The following COL14A1 variants were observed in gnomAD, a reference collection of about 807,000 sequenced individuals.
The protein encoded by COL14A1 is collagen alpha-1(XIV) chain.
COL14A1 carries 136 observed loss-of-function variants against 230.3 expected under a neutral mutation model. The observed-to-expected ratio is 0.59, with a 90% CI of 0.51 to 0.68. The LOEUF is 0.68. COL14A1 is among the 30% of genes least tolerant of loss of function. COL14A1 has a pLI of 0.00. For missense variants in COL14A1, 1,976 were observed against 2,215.8 expected, an observed-to-expected ratio of 0.89 and a Z score of 2.17; for synonymous variants, 792 against 784.1, an observed-to-expected ratio of 1.01 and a Z score of -0.17.
chr8:120,163,278 G>A (rs924215109), intron 4 of COL14A1, among the ~76,000 whole-genome samples: 2 of 152,206 alleles, frequency 1.3e-5, no homozygotes, highest in African/African-American at 2.4e-5. Flanking sequence ...CTCTCTGCCC[G>A]AGTAATGGGC....
intron 35 of COL14A1, among the ~76,000 whole-genome samples, chr8:120,299,537 G>A (rs918509544): frequency 2.0e-5 from 3 of 151,996 alleles, no homozygotes; most frequent in African/African-American, 4.8e-5. Flanking sequence ...TTTAAGAGGC[G>A]TAAATTCCAT....
At chr8:120,138,278 C>T (rs1305265392) in intron 1 of COL14A1, among the ~76,000 whole-genome samples, 1 of 152,102 alleles carries the variant, frequency 6.6e-6, no homozygotes, top group East Asian at 1.9e-4. Context: ...TTTTGAAACT[C>T]CATTATTAAA....
intron 40 of COL14A1, among the ~76,000 whole-genome samples, chr8:120,327,855 C>A (rs905482350): frequency 2.6e-5 from 4 of 151,466 alleles, no homozygotes; most frequent in Admixed American, 2.6e-4. Context: ...ACCTCCACCT[C>A]CCAGGTTCAA....
intron 34 of COL14A1, among the ~76,000 whole-genome samples, chr8:120,291,904 T>C (rs1371093956): frequency 6.6e-6 from 1 of 152,152 alleles, no homozygotes; most frequent in East Asian, 1.9e-4. Context: ...GTCATTGTCT[T>C]TGTTTAAAAC....
At chr8:120,149,659 A>G (rs756852331) in intron 2 of COL14A1, among the ~76,000 whole-genome samples, 1 of 151,696 alleles carries the variant, frequency 6.6e-6, no homozygotes, top group Non-Finnish European at 1.5e-5. Flanking sequence ...CTACCAGATG[A>G]ATATTGTTAG....
Position 120,273,582 on chromosome 8 carries a change from G to A in COL14A1, c.3213+3408G>A, listed in dbSNP as rs182527153. 2.0e-4 allele frequency among the ~76,000 whole-genome samples: 30 copies of A among 151,534 alleles called. No homozygotes were observed. In the East Asian group the frequency reaches 5.8e-3, roughly 29 times the overall value. ...AGAAAAAAGAGAGAAGGTTCAAATA[G>A]TCTCAATTAGAAATGAAAATAGAGA... On this transcript the variant is annotated intron_variant, in intron 26 of 47. Transcript: ENST00000297848.
chr8:120,255,183 A>G, intron 22 of COL14A1, 57 bp from the exon 23 acceptor site: 2 of 1,359,056 alleles, frequency 1.5e-6, no homozygotes, highest in Non-Finnish European at 2.1e-6. Flanking sequence ...TTTCAGATTC[A>G]GGGATGCTTG....
intron 26 of COL14A1, among the ~76,000 whole-genome samples, chr8:120,273,012 G>A (rs1423180109): frequency 6.6e-6 from 1 of 151,672 alleles, no homozygotes; most frequent in African/African-American, 2.4e-5. Context: ...TCAGCATATG[G>A]AACATTTTCC....
At position 120,332,687 on chromosome 8, in the gene COL14A1, C is replaced by A; in HGVS notation, c.4737C>A (p.Val1579=). ...GPIGIPGTPG[V]PGITGSMGPQ... is the part of the protein sequence containing the mutation. ...AGGGCATTCCTGGCACCCCTGGAGT[C>A]CCAGGGATCACAGGAAGCATGGGAC... is the stretch of plus-strand genomic sequence containing the variant. Residue 1579 remains valine (V), a synonymous_variant, in exon 42 of 48, where the codon GTC becomes GTA. Transcript: ENST00000297848. 1.2e-6 allele frequency: 2 copies of A among 1,613,230 alleles called. No homozygotes were observed. Among genetic ancestry groups the A allele is most frequent in the Middle Eastern group, 1.7e-4 (1 of 6,058 alleles).
At chr8:120,255,547 T>G (rs1052975420) in intron 23 of COL14A1, among the ~76,000 whole-genome samples, 191 bp downstream of exon 23, 2 of 152,180 alleles carry the variant, frequency 1.3e-5, no homozygotes, top group African/African-American at 4.8e-5. Flanking sequence ...TCTGGAAACC[T>G]CCCTTTTTCT....
At chr8:120,199,990 T>G (rs1287356473) in intron 8 of COL14A1, among the ~76,000 whole-genome samples, 1 of 105,782 alleles carries the variant, frequency 9.5e-6, no homozygotes, top group Non-Finnish European at 2.0e-5. Flanking sequence ...AAGTTCAAGA[T>G]TTGTAGTAGT....
rs115441480 is a variant in COL14A1 at position 120,281,005 on chromosome 8, A to G, written c.3770A>G (p.Asn1257Ser). 55 of 1,612,740 alleles carry G rather than the reference A, an allele frequency of 3.4e-5. No individual in the cohort carries two copies. Among genetic ancestry groups the G allele is most frequent in the East Asian group, 1.1e-4 (5 of 44,816 alleles). The change falls in exon 31 of 48, where the codon AAT (asparagine) becomes AGT (serine). Residue 1257 changes from asparagine (N) to serine (S), a missense_variant. By Grantham distance (46) the Asn-to-Ser change is conservative. Coordinates refer to ENST00000297848, the MANE Select transcript of COL14A1 (RefSeq NM_021110.4). ...GTTTCTATGGAGCCTGGTACCTTCA[A>G]TGTGTTTCCATGTTACCAACTCCAT... Reference protein sequence around the residue: ...EGVSMEPGTFNVFPCYQLHKD... With the variant: ...EGVSMEPGTFSVFPCYQLHKD...
intron 36 of COL14A1, among the ~76,000 whole-genome samples, chr8:120,304,440 G>T (rs959292683): frequency 2.6e-4 from 40 of 152,162 alleles, no homozygotes; most frequent in African/African-American, 9.6e-4. Context: ...CTGGTATGTT[G>T]TACCTTTGTT....
chr8:120,279,882 TTG>T, intron 28 of COL14A1, 51 bp from the exon 29 acceptor site: 1 of 1,581,902 alleles, frequency 6.3e-7, no homozygotes, highest in Non-Finnish European at 8.6e-7. Context: ...ATTACATTAT[TTG>T]TGTTTTGTAC....
intron 31 of COL14A1, among the ~76,000 whole-genome samples, chr8:120,281,879 AG>A (rs2129909253): frequency 6.6e-6 from 1 of 152,316 alleles, no homozygotes; most frequent in East Asian, 1.9e-4. Context: ...CAGCAACTCT[AG>A]AAAGTTGAAG....
rs567509310 is a variant in COL14A1 at position 120,205,788 on chromosome 8, A to C, written c.1040-1155A>C. 2.0e-5 allele frequency among the ~76,000 whole-genome samples: 3 copies of C among 152,312 alleles called. No homozygotes were observed. The East Asian group carries it at 5.8e-4, about 29-fold the overall frequency. On this transcript the variant is annotated intron_variant, in intron 9 of 47. Transcript: ENST00000297848. Reference sequence around the variant, plus strand: ...TGGTTGATGATACAGCATGTAATAAAGTTCCTGCCCATAGTTTGTGTTCAA... The same window carrying C: ...TGGTTGATGATACAGCATGTAATAACGTTCCTGCCCATAGTTTGTGTTCAA...
At chr8:120,341,178 T>A in intron 42 of COL14A1, 147 bp from the exon 43 acceptor site, 1 of 768,678 alleles carries the variant, frequency 1.3e-6, no homozygotes. Flanking sequence ...CTGGTTGCTG[T>A]TTATTTTCTG....
chr8:120,212,397 G>A (rs752303728), intron 12 of COL14A1, 51 bp from the exon 13 acceptor site: 5 of 1,596,984 alleles, frequency 3.1e-6, no homozygotes, highest in Non-Finnish European at 4.3e-6. Flanking sequence ...ACTCTGATCA[G>A]CATGAATAAT....
Position 120,177,840 on chromosome 8 carries a change from C to A in COL14A1, c.436+9593C>A, listed in dbSNP as rs529380575. Among the ~76,000 whole-genome samples the A allele has an allele frequency of 7.3e-5, 11 of 151,158 alleles. No individual in the cohort carries two copies. The East Asian group carries it at 1.4e-3, about 19-fold the overall frequency. Reference sequence around the variant, plus strand: ...AAAATAGGTAGATTAGAAAAGGGACCAAATGAACATAAAGAGTTCTGAAGA... The same window carrying A: ...AAAATAGGTAGATTAGAAAAGGGACAAAATGAACATAAAGAGTTCTGAAGA... On this transcript the variant is annotated intron_variant, in intron 5 of 47. Coordinates refer to ENST00000297848, the MANE Select transcript of COL14A1 (RefSeq NM_021110.4).
Sources: gnomAD v4.1 joint callset for allele counts (sites outside exome capture counted in the v4.1 genomes callset) on GRCh38, gnomAD v4.1.1 for gene constraint, MANE v1.5 for transcripts, NCBI Gene and HGNC (gene_info 2026-07-23, HGNC 2026-07-21) for gene names.